The following CREM variants were observed in gnomAD, a reference collection of about 807,000 sequenced individuals.
CREM encodes cAMP responsive element modulator.
A neutral mutation model predicts 37.3 loss-of-function variants in CREM; 13 were observed. That is an observed-to-expected ratio of 0.35 (90% CI 0.23 to 0.55). CREM has a LOEUF of 0.55. Ranked by LOEUF, CREM falls within the 20% of genes least tolerant of loss-of-function variation. The pLI, the probability that CREM is intolerant of heterozygous loss-of-function variation, is 0.88. For synonymous variants in CREM, 124 were observed against 120.2 expected (o/e 1.03, Z -0.21); for missense variants, 296 against 362.3 (o/e 0.82, Z 1.49).
intron 1 of CREM, among the ~76,000 whole-genome samples, chr10:35,130,653 T>C (rs1300286560): frequency 6.6e-6 from 1 of 152,214 alleles, no homozygotes; most frequent in Non-Finnish European, 1.5e-5. Context: ...TTTAGGTATG[T>C]TTAGACACAC....
intron 6 of CREM, among the ~76,000 whole-genome samples, chr10:35,197,456 ATTTATTTATTTT>A (rs1376778381): frequency 6.0e-4 from 83 of 138,634 alleles, no homozygotes; most frequent in African/African-American, 2.2e-3. Context: ...TTATTTATTT[ATTTATTTATTTT>A]ATGAGACGGA....
chr10:35,137,573 A>G (rs192358254), intron 1 of CREM, among the ~76,000 whole-genome samples: 1 of 152,288 alleles, frequency 6.6e-6, no homozygotes, highest in East Asian at 1.9e-4. Flanking sequence ...AGTAAGATTG[A>G]CAAAAAACCG....
intron 1 of CREM, among the ~76,000 whole-genome samples, chr10:35,132,618 A>G (rs2089638413): frequency 6.6e-6 from 1 of 152,228 alleles, no homozygotes; most frequent in Non-Finnish European, 1.5e-5. Context: ...CTGTTTTTAC[A>G]TGAAAGCGTA....
intron 5 of CREM, among the ~76,000 whole-genome samples, chr10:35,185,161 G>A (rs1332153218): frequency 6.8e-6 from 1 of 147,820 alleles, no homozygotes; most frequent in East Asian, 2.0e-4. Flanking sequence ...GGTGTGCAAT[G>A]GTGCAATCTC....
intron 3 of CREM, among the ~76,000 whole-genome samples, chr10:35,177,040 C>T (rs1042587935): frequency 6.6e-6 from 1 of 151,530 alleles, no homozygotes; most frequent in African/African-American, 2.4e-5. Context: ...CAGTTATTAT[C>T]CTTTAAATGC....
At chr10:35,187,137 T>TA (rs1245586322) in intron 5 of CREM, among the ~76,000 whole-genome samples, 1 of 64,728 alleles carries the variant, frequency 1.5e-5, no homozygotes, top group East Asian at 4.4e-4. Context: ...TATTAATATA[T>TA]TAATATATAA....
intron 3 of CREM, among the ~76,000 whole-genome samples, chr10:35,161,663 CAA>C (rs34337323): frequency 3.6e-5 from 5 of 139,464 alleles, no homozygotes; most frequent in Non-Finnish European, 6.3e-5. Flanking sequence ...ACTGTCTCAC[CAA>C]AAAAAAAAAG....
rs1386987207 is a variant in CREM at position 35,195,960 on chromosome 10, C to G, written c.598+7572C>G. The G allele has an allele frequency of 1.4e-5, 18 of 1,246,460 alleles. No individual in the cohort carries two copies. The East Asian group carries it at 4.0e-4, about 28-fold the overall frequency. 77.2% of individuals were successfully genotyped at this position (1,246,460 alleles called of 1,614,324 possible). A position where few individuals can be genotyped will look rare whatever the true frequency, so the allele number is the denominator to read the frequency against. ...GCTCACCACTGCCTCTGCCTCCAAG[C>G]TGCCTTTTAGACTGAATAGCTTTTC... On this transcript the variant is annotated intron_variant, in intron 6 of 7. Transcript: ENST00000685392.
chr10:35,175,337 T>A (rs771502549), intron 3 of CREM, among the ~76,000 whole-genome samples: 1 of 151,966 alleles, frequency 6.6e-6, no homozygotes, highest in Non-Finnish European at 1.5e-5. Context: ...TCCCAGCTAC[T>A]CAGGAGGCTG....
intron 6 of CREM, among the ~76,000 whole-genome samples, chr10:35,203,474 A>C (rs981395614): frequency 3.9e-5 from 6 of 152,094 alleles, no homozygotes; most frequent in African/African-American, 1.4e-4. Flanking sequence ...CAGGTAGATC[A>C]CGAGGTTAGG....
Position 35,212,372 on chromosome 10 carries a change from T to C in CREM, c.*974T>C, listed in dbSNP as rs1319253871. ...AAGAGAGTTTTTAATAGAACCATGT[T>C]GGTTGCACTTTGTAGTGTTTGGTGC... On this transcript the variant is annotated 3_prime_UTR_variant, in exon 8 of 8. Transcript: ENST00000685392. 1 of 152,518 alleles carries C rather than the reference T, an allele frequency of 6.6e-6. No homozygotes were observed. The highest frequency in any genetic ancestry group is 1.9e-4 in the East Asian group (1 of 5,340). 9.4% of individuals were successfully genotyped at this position (152,518 alleles called of 1,614,324 possible).
At chr10:35,187,127 TATTA>T (rs2094636796) in intron 5 of CREM, among the ~76,000 whole-genome samples, 1 of 78,250 alleles carries the variant, frequency 1.3e-5, no homozygotes, top group Non-Finnish European at 2.2e-5. Context: ...TATATAAATA[TATTA>T]ATATATTAAT....
At chr10:35,208,256 C>T (rs565434019) in intron 7 of CREM, among the ~76,000 whole-genome samples, 1 of 152,206 alleles carries the variant, frequency 6.6e-6, no homozygotes, top group East Asian at 1.9e-4. Context: ...ACTTAGGATA[C>T]CTCCTATTAT....
chr10:35,160,843 CAT>C (rs1301147960), intron 3 of CREM, among the ~76,000 whole-genome samples: 3 of 152,190 alleles, frequency 2.0e-5, no homozygotes, highest in African/African-American at 4.8e-5. Flanking sequence ...CACAAACACA[CAT>C]GTTGGCCTAG....
rs183250831 is a variant in CREM, at chr10:35,207,425, T to C, written c.755+374T>C. 3.8e-4 allele frequency among the ~76,000 whole-genome samples: 57 copies of C among 150,916 alleles called. No homozygotes were observed. The East Asian group carries it at 9.4e-3, about 25-fold the overall frequency. ...ATAATAAAACAATATTAAATATTAA[T>C]AAATGATAATAAAATAATGATAAAA... On this transcript the variant is annotated intron_variant, in intron 7 of 7. Coordinates refer to ENST00000685392, the MANE Select transcript of CREM (RefSeq NM_183011.2).
intron 3 of CREM, among the ~76,000 whole-genome samples, chr10:35,159,113 C>T (rs1433319431): frequency 1.3e-5 from 2 of 152,012 alleles, no homozygotes; most frequent in Non-Finnish European, 2.9e-5. Context: ...CAGCCTTAAT[C>T]TATTCCTGCT....
At chr10:35,170,719 T>G (rs2093771811) in intron 3 of CREM, among the ~76,000 whole-genome samples, 1 of 152,198 alleles carries the variant, frequency 6.6e-6, no homozygotes, top group African/African-American at 2.4e-5. Flanking sequence ...TGATGGTAGT[T>G]TGTAATTCTG....
At chr10:35,197,635 T>C (rs1344812451) in intron 6 of CREM, among the ~76,000 whole-genome samples, 1 of 151,760 alleles carries the variant, frequency 6.6e-6, no homozygotes, top group East Asian at 1.9e-4. Flanking sequence ...TTTTTTTGTA[T>C]TTTAGTAGAG....
In CREM at chr10:35,153,232, C is replaced by T. The variant is rs550038621; in HGVS notation, c.168+4741C>T. ...GAATAACCACTGCACTCCAGCCTGA[C>T]GACATAGCGAGACCTTGTCTCAATA... On this transcript the variant is annotated intron_variant, in intron 3 of 7. Transcript: ENST00000685392. Among the ~76,000 whole-genome samples the T allele has an allele frequency of 1.8e-4, 28 of 152,106 alleles. No homozygotes were observed. In the East Asian group the frequency reaches 5.2e-3, roughly 28 times the overall value.
Sources: allele counts gnomAD v4.1 joint callset (sites outside exome capture counted in the v4.1 genomes callset), GRCh38; gene constraint gnomAD v4.1.1; transcripts MANE v1.5; gene names NCBI Gene and HGNC (gene_info 2026-07-23, HGNC 2026-07-21).